EBF1: variants seen among roughly 807,000 people sequenced by gnomAD.
EBF1 encodes the protein EBF transcription factor 1.
Under a neutral mutation model 68.4 loss-of-function variants are expected in EBF1, and 10 were observed. That is an observed-to-expected ratio of 0.15 (90% CI 0.09 to 0.25). The LOEUF (loss-of-function observed/expected upper bound fraction) is 0.25. EBF1 is among the 10% of genes least tolerant of loss of function. The pLI, the probability that EBF1 is intolerant of heterozygous loss-of-function variation, is 1.00. For synonymous variants in EBF1, 298 were observed against 299.8 expected (o/e 0.99, Z 0.06); for missense variants, 509 against 794.4 (o/e 0.64, Z 4.32).
chr5:158,991,176 G>A (rs1431006614), intron 6 of EBF1, among the ~76,000 whole-genome samples: 1 of 152,196 alleles, frequency 6.6e-6, no homozygotes. Context: ...TGGCACTAAT[G>A]AGAGAATTAA....
intron 6 of EBF1, among the ~76,000 whole-genome samples, chr5:159,051,491 C>CG (rs2127820133): frequency 6.9e-6 from 1 of 145,038 alleles, no homozygotes; most frequent in African/African-American, 2.5e-5. Context: ...ATGTGCGACT[C>CG]GTGTTTCGGC....
intron 8 of EBF1, among the ~76,000 whole-genome samples, chr5:158,797,365 C>A (rs1270460025): frequency 6.6e-6 from 1 of 152,136 alleles, no homozygotes; most frequent in Non-Finnish European, 1.5e-5. Context: ...CACCTTCGTG[C>A]CACTGAGGGT....
chr5:158,735,292 T>G (rs1764946544), intron 10 of EBF1, among the ~76,000 whole-genome samples: 1 of 152,128 alleles, frequency 6.6e-6, no homozygotes, highest in South Asian at 2.1e-4. Flanking sequence ...TGACAAAGTC[T>G]AGGGTCACAA....
At chr5:158,962,605 C>T (rs1753237218) in intron 6 of EBF1, among the ~76,000 whole-genome samples, 1 of 152,170 alleles carries the variant, frequency 6.6e-6, no homozygotes, top group Non-Finnish European at 1.5e-5. Flanking sequence ...TCACTTTCCT[C>T]AGTTAACTAG....
intron 6 of EBF1, among the ~76,000 whole-genome samples, chr5:158,854,451 T>C (rs1298020642): frequency 6.6e-6 from 1 of 152,198 alleles, no homozygotes; most frequent in African/African-American, 2.4e-5. Context: ...AAGGGAGAAG[T>C]TGGGAAAAGC....
intron 6 of EBF1, among the ~76,000 whole-genome samples, chr5:158,885,075 G>A (rs1485694573): frequency 1.3e-5 from 2 of 152,242 alleles, no homozygotes; most frequent in Non-Finnish European, 2.9e-5. Flanking sequence ...TCCTGCAACT[G>A]CAGGGAGCTC....
intron 4 of EBF1, among the ~76,000 whole-genome samples, chr5:159,094,165 CAAAAAAAAAAAA>C (rs869228922): frequency 0.046 from 1,001 of 21,928 alleles, 15 homozygotes; most frequent in African/African-American, 0.12. Flanking sequence ...CCTTGGAAGG[CAAAAAAAAAAAA>C]AAAAAAAAAA....
intron 6 of EBF1, among the ~76,000 whole-genome samples, chr5:158,947,000 T>C (rs1814896901): frequency 6.6e-6 from 1 of 152,092 alleles, no homozygotes; most frequent in Non-Finnish European, 1.5e-5. Context: ...GGGAAAAACA[T>C]CTACTCAAGC....
intron 6 of EBF1, among the ~76,000 whole-genome samples, chr5:158,843,797 A>T (rs189660799): frequency 1.7e-3 from 265 of 152,318 alleles, no homozygotes; most frequent in African/African-American, 5.4e-3. Context: ...AGTTAGAAGG[A>T]GGAGTTAAAA....
chr5:158,905,558 T>C (rs1804396970), intron 6 of EBF1, among the ~76,000 whole-genome samples: 1 of 152,194 alleles, frequency 6.6e-6, no homozygotes, highest in African/African-American at 2.4e-5. Flanking sequence ...CATATTTATC[T>C]TACTGAAAAA....
chr5:158,839,159 T>G (rs914153432), intron 7 of EBF1, among the ~76,000 whole-genome samples: 1 of 152,226 alleles, frequency 6.6e-6, no homozygotes, highest in African/African-American at 2.4e-5. Flanking sequence ...CCTCTTCCTT[T>G]AGTAAATGTA....
intron 6 of EBF1, among the ~76,000 whole-genome samples, chr5:158,939,840 A>G (rs1395907796): frequency 6.6e-6 from 1 of 152,206 alleles, no homozygotes; most frequent in African/African-American, 2.4e-5. Flanking sequence ...TCTTGGACCC[A>G]CAGAGCCCAG....
intron 6 of EBF1, among the ~76,000 whole-genome samples, chr5:158,849,264 T>A (rs1472386661): frequency 1.3e-5 from 2 of 152,158 alleles, no homozygotes; most frequent in African/African-American, 2.4e-5. Flanking sequence ...ATAATGCCAA[T>A]AATATGCTCT....
chr5:158,859,930 C>T (rs746361133), intron 6 of EBF1, among the ~76,000 whole-genome samples: 4 of 152,186 alleles, frequency 2.6e-5, no homozygotes, highest in African/African-American at 7.2e-5. Flanking sequence ...GTGAAGGGAA[C>T]GTATTTTATA....
At chr5:158,847,448 G>C (rs1188195069) in intron 6 of EBF1, among the ~76,000 whole-genome samples, 1 of 152,180 alleles carries the variant, frequency 6.6e-6, no homozygotes, top group Non-Finnish European at 1.5e-5. Context: ...ATGACACAGA[G>C]AAGGGAGGTT....
intron 6 of EBF1, among the ~76,000 whole-genome samples, chr5:159,070,359 C>T (rs938125864): frequency 6.6e-6 from 1 of 152,166 alleles, no homozygotes; most frequent in Non-Finnish European, 1.5e-5. Flanking sequence ...ATATGTTTCT[C>T]AGTCTGTGCA....
intron 8 of EBF1, among the ~76,000 whole-genome samples, chr5:158,811,920 G>T (rs7446069): frequency 1 from 152,309 of 152,320 alleles, 76,149 homozygotes; most frequent in Middle Eastern, 1. Flanking sequence ...CATTCTCATT[G>T]AAAATTTTAA....
At chr5:158,866,833 G>GTA (rs70987938) in intron 6 of EBF1, among the ~76,000 whole-genome samples, 6 of 92,832 alleles carry the variant, frequency 6.5e-5, no homozygotes, top group Non-Finnish European at 1.0e-4. Context: ...ATATGTATAT[G>GTA]TATATATATA....
At chr5:158,819,894 A>G (rs1784491888) in intron 8 of EBF1, among the ~76,000 whole-genome samples, 2 of 152,294 alleles carry the variant, frequency 1.3e-5, no homozygotes, top group South Asian at 2.1e-4. Context: ...GCCAGGATTC[A>G]CTATCTTTGG....
Sources: allele counts gnomAD v4.1 joint callset (sites outside exome capture counted in the v4.1 genomes callset), GRCh38; gene constraint gnomAD v4.1.1; transcripts MANE v1.5; gene names NCBI Gene and HGNC (gene_info 2026-07-23, HGNC 2026-07-21).